GATAD2A: variants seen among roughly 807,000 people sequenced by gnomAD.
GATAD2A encodes the protein transcriptional repressor p66-alpha.
GATAD2A carries 12 observed loss-of-function variants against 68.5 expected under a neutral mutation model. That is an observed-to-expected ratio of 0.18 (90% CI 0.11 to 0.28). The LOEUF (loss-of-function observed/expected upper bound fraction) is 0.28, where lower values mean the gene tolerates loss of function less well. GATAD2A is among the 10% of genes least tolerant of loss of function. The probability of loss-of-function intolerance (pLI) is 1.00; values close to 1 mark genes in which losing one functional copy is unlikely to be tolerated. For synonymous variants in GATAD2A, 410 were observed against 375.3 expected (o/e 1.09, Z -1.07); for missense variants, 755 against 868.5 (o/e 0.87, Z 1.64).
At chr19:19,460,106 T>C (rs1307500672) in intron 1 of GATAD2A, among the ~76,000 whole-genome samples, 2 of 152,144 alleles carry the variant, frequency 1.3e-5, no homozygotes, top group African/African-American at 4.8e-5. Flanking sequence ...CCACCTATTC[T>C]CTCCTTACCC....
chr19:19,490,640 A>G (rs1306474733), intron 2 of GATAD2A, among the ~76,000 whole-genome samples: 2 of 152,156 alleles, frequency 1.3e-5, no homozygotes, highest in East Asian at 1.9e-4. Context: ...TGAATGTACA[A>G]TGAGGCCGAG....
chr19:19,456,264 A>G (rs2056919017), intron 1 of GATAD2A, among the ~76,000 whole-genome samples: 1 of 152,152 alleles, frequency 6.6e-6, no homozygotes, highest in African/African-American at 2.4e-5. Context: ...CATGAAATAA[A>G]ACTGCCCACA....
At chr19:19,443,522 A>C (rs2147698613) in intron 1 of GATAD2A, among the ~76,000 whole-genome samples, 1 of 152,300 alleles carries the variant, frequency 6.6e-6, no homozygotes, top group South Asian at 2.1e-4. Context: ...TGTTCTGTAG[A>C]GATAAATACT....
intron 7 of GATAD2A, 49 bp from the exon 8 acceptor site, chr19:19,498,394 C>T (rs1391056623): frequency 1.3e-6 from 2 of 1,560,016 alleles, no homozygotes; most frequent in Non-Finnish European, 1.7e-6. Context: ...GGGAGCCTTC[C>T]TCTGGGCAGG....
intron 11 of GATAD2A, among the ~76,000 whole-genome samples, chr19:19,503,880 G>A (rs1434512065): frequency 2.0e-5 from 3 of 152,118 alleles, no homozygotes; most frequent in Non-Finnish European, 2.9e-5. Context: ...ACCTGGGAAC[G>A]CTTTTTCCAC....
rs528648642 is a variant in GATAD2A at position 19,390,053 on chromosome 19, T to C, written c.-7+3915T>C. ...TGTTGGGATTACAGGCGTGAGCCAC[T>C]GTGACCGACCTATTATTTTAAATAA... On this transcript the variant is annotated intron_variant, in intron 1 of 11. Coordinates refer to the GATAD2A transcript ENST00000360315. Among the ~76,000 whole-genome samples, 31 of 152,278 alleles carry C rather than the reference T, an allele frequency of 2.0e-4. 1 individual carries two copies. The highest frequency in any genetic ancestry group is 3.1e-4 in the African/African-American group (13 of 41,554).
At chr19:19,421,767 TA>T (rs2052447566) in intron 1 of GATAD2A, among the ~76,000 whole-genome samples, 1 of 152,112 alleles carries the variant, frequency 6.6e-6, no homozygotes, top group Non-Finnish European at 1.5e-5. Flanking sequence ...GCTGAGGACC[TA>T]GCCTAAGGCT....
chr19:19,425,064 T>TAAAA (rs529552728), intron 1 of GATAD2A, among the ~76,000 whole-genome samples: 2 of 96,170 alleles, frequency 2.1e-5, no homozygotes, highest in East Asian at 2.9e-4. Context: ...TGTGCAACAA[T>TAAAA]AAAAAAAAAA....
At chr19:19,465,781 T>A (rs1458984418) in intron 2 of GATAD2A, among the ~76,000 whole-genome samples, 167 bp downstream of exon 2, 2 of 152,236 alleles carry the variant, frequency 1.3e-5, no homozygotes, top group African/African-American at 4.8e-5. Flanking sequence ...TGTGCTGTTG[T>A]GGCCATTCCA....
intron 1 of GATAD2A, among the ~76,000 whole-genome samples, chr19:19,389,142 C>G (rs534910111): frequency 6.6e-6 from 1 of 151,992 alleles, no homozygotes; most frequent in Non-Finnish European, 1.5e-5. Flanking sequence ...TTGCCAAATG[C>G]AGAGCTCTGT....
At chr19:19,433,993 G>A (rs2054036533) in intron 1 of GATAD2A, among the ~76,000 whole-genome samples, 1 of 152,194 alleles carries the variant, frequency 6.6e-6, no homozygotes, top group Non-Finnish European at 1.5e-5. Flanking sequence ...GGCTGGCCTT[G>A]AACTCCTGAG....
chr19:19,479,647 C>G (rs1426214920), intron 2 of GATAD2A, among the ~76,000 whole-genome samples: 1 of 152,200 alleles, frequency 6.6e-6, no homozygotes, highest in East Asian at 1.9e-4. Flanking sequence ...AGGAAGACCA[C>G]AGAGGGTGAA....
chr19:19,490,068 A>G (rs2059683171), intron 2 of GATAD2A, among the ~76,000 whole-genome samples: 1 of 152,198 alleles, frequency 6.6e-6, no homozygotes, highest in Non-Finnish European at 1.5e-5. Context: ...GTTACTTTAG[A>G]AACAAACTAC....
At chr19:19,458,661 C>CT (rs1418889965) in intron 1 of GATAD2A, 2 of 152,136 alleles carry the variant, frequency 1.3e-5, no homozygotes, top group Admixed American at 1.3e-4. Context: ...GGCTTGTGGC[C>CT]TATATAGAAG....
chr19:19,444,482 T>C (rs1382694198), intron 1 of GATAD2A, among the ~76,000 whole-genome samples: 1 of 152,104 alleles, frequency 6.6e-6, no homozygotes, highest in African/African-American at 2.4e-5. Context: ...ACCCCAAGGG[T>C]GTCCCTGATC....
intron 1 of GATAD2A, among the ~76,000 whole-genome samples, chr19:19,440,857 G>A (rs902631817): frequency 6.6e-6 from 1 of 152,188 alleles, no homozygotes; most frequent in Non-Finnish European, 1.5e-5. Context: ...ATGTTTTAGC[G>A]AGATACCCAA....
intron 2 of GATAD2A, among the ~76,000 whole-genome samples, chr19:19,481,997 C>T (rs1304841986): frequency 6.6e-6 from 1 of 152,082 alleles, no homozygotes; most frequent in Non-Finnish European, 1.5e-5. Flanking sequence ...GTCCCAGCTA[C>T]TCAGGAGGCT....
Position 19,502,006 on chromosome 19 carries a change from G to T in GATAD2A, c.1541G>T (p.Gly514Val). The change falls in exon 10 of 12, where the codon GGA becomes GTA. Residue 514 changes from glycine (G) to valine (V), a missense_variant. Transcript: ENST00000683918. ...KPRRKLAFRS[G>V]EARDWSNGAV... is the part of the protein sequence containing the mutation. ...CGGCGTAAGTTGGCGTTCCGCTCAG[G>T]AGAGGCCCGCGACTGGAGTAACGGG... 1 of 1,614,024 alleles carries T rather than the reference G, an allele frequency of 6.2e-7. No individual in the cohort carries two copies. The highest frequency in any genetic ancestry group is 8.5e-7 in the Non-Finnish European group (1 of 1,179,960).
At chr19:19,444,974 T>C (rs575824551) in intron 1 of GATAD2A, among the ~76,000 whole-genome samples, 46 of 151,856 alleles carry the variant, frequency 3.0e-4, no homozygotes, top group Admixed American at 1.0e-3. Context: ...GCTCTGCTGG[T>C]AGTAACTCTT....
Sources: allele counts gnomAD v4.1 joint callset (sites outside exome capture counted in the v4.1 genomes callset), GRCh38; gene constraint gnomAD v4.1.1; transcripts MANE v1.5; gene names NCBI Gene and HGNC (gene_info 2026-07-23, HGNC 2026-07-21).